OSGEPL1: variants seen among roughly 807,000 people sequenced by gnomAD.
The protein encoded by OSGEPL1 is tRNA N6-adenosine threonylcarbamoyltransferase, mitochondrial.
Under a neutral mutation model 37.2 loss-of-function variants are expected in OSGEPL1, and 26 were observed. The ratio of observed to expected loss-of-function variants is 0.70; its 90% CI spans 0.51 to 0.97. OSGEPL1 has a LOEUF of 0.97. Ranked by LOEUF, OSGEPL1 falls within the 50% of genes least tolerant of loss-of-function variation. The pLI is 0.00. For synonymous variants in OSGEPL1, 140 were observed against 159.9 expected (o/e 0.88, Z 0.94); for missense variants, 404 against 487.0 (o/e 0.83, Z 1.60).
chr2:189,758,265 C>T (rs2046382848), intron 2 of OSGEPL1, among the ~76,000 whole-genome samples: 2 of 152,022 alleles, frequency 1.3e-5, no homozygotes, highest in South Asian at 4.1e-4. Context: ...CCTATAATCC[C>T]AGCTATTCTG....
rs768853746 is a variant in OSGEPL1, at chr2:189,762,727, T to C, written c.-63A>G. The C allele has an allele frequency of 1.9e-5, 19 of 985,328 alleles. No homozygotes were observed. In the East Asian group the frequency reaches 3.4e-4, roughly 18 times the overall value. 61.0% of individuals were successfully genotyped at this position (985,328 alleles called of 1,614,324 possible). On this transcript the variant is annotated 5_prime_UTR_variant, in exon 1 of 9. Coordinates refer to ENST00000264151, the MANE Select transcript of OSGEPL1 (RefSeq NM_022353.3). ...GTAGCTAGCACTTGTCTCCTTTCCCTACTAAAGACTGTCGACTGCCCTTAT... is the reference window on the plus strand; with the variant it reads ...GTAGCTAGCACTTGTCTCCTTTCCCCACTAAAGACTGTCGACTGCCCTTAT...
chr2:189,755,376 C>G lies in OSGEPL1; in HGVS notation c.406G>C (p.Gly136Arg). The G allele has an allele frequency of 6.2e-7, 1 of 1,613,548 alleles. No individual in the cohort carries two copies. Among genetic ancestry groups the G allele is most frequent in the Non-Finnish European group, 8.5e-7 (1 of 1,179,716 alleles). Residue 136 changes from glycine (G) to arginine (R), a missense_variant, in exon 3 of 9, where the codon GGA becomes CGA. Transcript: ENST00000264151. ...VGLSFSLQLV[G>R]QLKKPFIPIH... ...GGAATGAATGGCTTTTTTAACTGTC[C>G]TACCAGCTGTAAGCTAAATGATAAG...
At chr2:189,761,372 T>C (rs2047048355) in intron 2 of OSGEPL1, 48 bp downstream of exon 2, 2 of 1,551,208 alleles carry the variant, frequency 1.3e-6, no homozygotes, top group Non-Finnish European at 1.7e-6. Context: ...AAAGAATGAT[T>C]TTACTTTTTC....
chr2:189,762,697 C>A lies in OSGEPL1; in HGVS notation c.-33G>T, dbSNP rs949117571. The stretch of plus-strand genomic sequence containing the variant: ...CAATTTCACCCACCTTCCACTTGGG[C>A]GGCAGTAGCTAGCACTTGTCTCCTT... On this transcript the variant is annotated 5_prime_UTR_variant, in exon 1 of 9. Transcript: ENST00000264151. 8 of 985,188 alleles carry A rather than the reference C, an allele frequency of 8.1e-6. No homozygotes were observed. The African/African-American group carries it at 1.4e-4, about 17-fold the overall frequency. 61.0% of individuals were successfully genotyped at this position (985,188 alleles called of 1,614,324 possible).
intron 7 of OSGEPL1, among the ~76,000 whole-genome samples, chr2:189,751,450 T>TC (rs1362954681): frequency 6.6e-6 from 1 of 150,574 alleles, no homozygotes; most frequent in African/African-American, 2.5e-5. Context: ...TTGTGTTTTT[T>TC]TTTTTTTTTT....
At chr2:189,751,028 C>T (rs2045100991) in intron 7 of OSGEPL1, among the ~76,000 whole-genome samples, 1 of 152,208 alleles carries the variant, frequency 6.6e-6, no homozygotes, top group South Asian at 2.1e-4. Context: ...TGTATCCATT[C>T]ACATTTTAGA....
At position 189,761,648 on chromosome 2, in the gene OSGEPL1, C is replaced by T. The variant is rs1335733966; in HGVS notation, c.-8G>A. The T allele has an allele frequency of 6.5e-7, 1 of 1,549,456 alleles. No individual in the cohort carries two copies. The highest frequency in any genetic ancestry group is 2.2e-5 in the Admixed American group (1 of 45,632). On this transcript the variant is annotated 5_prime_UTR_variant, in exon 2 of 9. Coordinates refer to ENST00000264151, the MANE Select transcript of OSGEPL1 (RefSeq NM_022353.3). ...CTTAGTCAAGATTAGCATACTTACT[C>T]TATAGATAATTCCTGAAAAAGAATT...
chr2:189,762,738 G>A lies in OSGEPL1; in HGVS notation c.-74C>T. On this transcript the variant is annotated 5_prime_UTR_variant, in exon 1 of 9. Coordinates refer to ENST00000264151, the MANE Select transcript of OSGEPL1 (RefSeq NM_022353.3). ...TTGTCTCCTTTCCCTACTAAAGACT[G>A]TCGACTGCCCTTATCGCTGCAGGAG... The A allele has an allele frequency of 1.0e-6, 1 of 985,506 alleles. No individual in the cohort carries two copies. The highest frequency in any genetic ancestry group is 1.2e-6 in the Non-Finnish European group (1 of 830,010). The allele number at this position is 985,506 out of a possible 1,614,324, so 61.0% of individuals were successfully genotyped here. A position where few individuals can be genotyped will look rare whatever the true frequency, so the allele number is the denominator to read the frequency against.
intron 2 of OSGEPL1, among the ~76,000 whole-genome samples, chr2:189,758,306 G>A (rs752968811): frequency 3.3e-5 from 5 of 152,028 alleles, no homozygotes; most frequent in Non-Finnish European, 7.4e-5. Context: ...GCTTGAACCC[G>A]GGAGGCGGAG....
At position 189,746,770 on chromosome 2, in the gene OSGEPL1, G is replaced by C; in HGVS notation, c.*427C>G. On this transcript the variant is annotated 3_prime_UTR_variant, in exon 9 of 9. Transcript: ENST00000264151. ...CTCGATACTAAGCAGATTTTCCTTA[G>C]CATGTCTACAGGAATTTAGTGTCAG... The C allele has an allele frequency of 3.1e-6, 3 of 961,466 alleles. No homozygotes were observed. Among genetic ancestry groups the C allele is most frequent in the Non-Finnish European group, 4.4e-6 (3 of 686,184 alleles). 59.6% of individuals were successfully genotyped at this position (961,466 alleles called of 1,614,324 possible). A position where few individuals can be genotyped will look rare whatever the true frequency, so the allele number is the denominator to read the frequency against.
intron 8 of OSGEPL1, among the ~76,000 whole-genome samples, chr2:189,747,651 C>T (rs1342682981): frequency 6.6e-6 from 1 of 152,134 alleles, no homozygotes; most frequent in Non-Finnish European, 1.5e-5. Context: ...AGATATGATA[C>T]AAACACCTGG....
chr2:189,746,880 G>T lies in OSGEPL1; in HGVS notation c.*317C>A. The T allele has an allele frequency of 3.3e-6, 1 of 300,520 alleles. No individual in the cohort carries two copies. Among genetic ancestry groups the T allele is most frequent in the Non-Finnish European group, 6.1e-6 (1 of 164,320 alleles). The allele number at this position is 300,520 out of a possible 1,614,324, so 18.6% of individuals were successfully genotyped here. A position where few individuals can be genotyped will look rare whatever the true frequency, so the allele number is the denominator to read the frequency against. ...TTAAAATTTATTGACTGACATGAGTGGTATAACTAGTGTATATATCAAGAG... is the reference window on the plus strand; with the variant it reads ...TTAAAATTTATTGACTGACATGAGTTGTATAACTAGTGTATATATCAAGAG... On this transcript the variant is annotated 3_prime_UTR_variant, in exon 9 of 9. Coordinates refer to ENST00000264151, the MANE Select transcript of OSGEPL1 (RefSeq NM_022353.3).
intron 8 of OSGEPL1, among the ~76,000 whole-genome samples, chr2:189,749,555 TC>T (rs1175928761): frequency 2.0e-5 from 3 of 151,828 alleles, no homozygotes; most frequent in African/African-American, 7.3e-5. Flanking sequence ...TAAAAAAAAA[TC>T]CAAAAAAACT....
chr2:189,749,630 CA>C (rs1439938689), intron 8 of OSGEPL1, among the ~76,000 whole-genome samples: 2 of 151,914 alleles, frequency 1.3e-5, no homozygotes, highest in Non-Finnish European at 2.9e-5. Context: ...AGTATGTGGA[CA>C]ACTAAAGCGT....
intron 7 of OSGEPL1, among the ~76,000 whole-genome samples, chr2:189,752,222 C>G (rs540009395): frequency 6.6e-6 from 1 of 152,246 alleles, no homozygotes; most frequent in East Asian, 1.9e-4. Context: ...TTGCAGGAAA[C>G]AGCTATCTTT....
At chr2:189,757,910 T>C (rs971479718) in intron 2 of OSGEPL1, among the ~76,000 whole-genome samples, 1 of 152,236 alleles carries the variant, frequency 6.6e-6, no homozygotes, top group Non-Finnish European at 1.5e-5. Context: ...TCTTTGTCTT[T>C]GCTGACAATG....
intron 2 of OSGEPL1, 100 bp downstream of exon 2, chr2:189,761,313 AAAGGAAT>A: frequency 8.2e-7 from 1 of 1,217,736 alleles, no homozygotes; most frequent in East Asian, 2.6e-5. Context: ...GTGTTTGCAA[AAAGGAAT>A]AAGACAGTAG....
intron 8 of OSGEPL1, among the ~76,000 whole-genome samples, chr2:189,747,568 T>C (rs1006334234): frequency 6.6e-6 from 1 of 152,216 alleles, no homozygotes; most frequent in Admixed American, 6.5e-5. Context: ...GGTAATAGTC[T>C]TTGTGGCTTA....
intron 5 of OSGEPL1, chr2:189,753,226 T>C (rs939450708): frequency 4.1e-6 from 1 of 243,836 alleles, no homozygotes; most frequent in African/African-American, 2.3e-5. Context: ...TAAATATTTA[T>C]TTAATATAAT....
Sources: allele counts gnomAD v4.1 joint callset (sites outside exome capture counted in the v4.1 genomes callset), GRCh38; gene constraint gnomAD v4.1.1; transcripts MANE v1.5; gene names NCBI Gene and HGNC (gene_info 2026-07-23, HGNC 2026-07-21).